The following PKNOX1 variants were observed in gnomAD, a reference collection of about 807,000 sequenced individuals.
The protein encoded by PKNOX1 is homeobox protein PKNOX1.
A neutral mutation model predicts 51.9 loss-of-function variants in PKNOX1; 15 were observed. The observed-to-expected ratio is 0.29, with a 90% CI of 0.19 to 0.45. PKNOX1 has a LOEUF of 0.45. Ranked by LOEUF, PKNOX1 falls within the 20% of genes least tolerant of loss-of-function variation. The probability of loss-of-function intolerance (pLI) is 1.00; values close to 1 mark genes in which losing one functional copy is unlikely to be tolerated. For missense variants in PKNOX1, 462 were observed against 547.5 expected, an observed-to-expected ratio of 0.84 and a Z score of 1.56; for synonymous variants, 219 against 211.1, an observed-to-expected ratio of 1.04 and a Z score of -0.32.
At chr21:42,988,684 G>T (rs1452404323) in intron 1 of PKNOX1, among the ~76,000 whole-genome samples, 3 of 152,038 alleles carry the variant, frequency 2.0e-5, no homozygotes, top group Non-Finnish European at 2.9e-5. Flanking sequence ...CTTTCCGGTG[G>T]CTCCCATGCT....
intron 1 of PKNOX1, among the ~76,000 whole-genome samples, chr21:42,986,312 C>T (rs1233808792): frequency 6.6e-6 from 1 of 151,910 alleles, no homozygotes; most frequent in African/African-American, 2.4e-5. Context: ...ACCGTCTTGG[C>T]CAAGGTGGTG....
At chr21:42,993,941 C>T (rs959318675) in intron 1 of PKNOX1, among the ~76,000 whole-genome samples, 1 of 150,794 alleles carries the variant, frequency 6.6e-6, no homozygotes, top group Non-Finnish European at 1.5e-5. Flanking sequence ...CCATGTTGGC[C>T]AGGCTGGTCT....
intron 1 of PKNOX1, among the ~76,000 whole-genome samples, chr21:42,993,725 CTTTTTTTTTCTTT>C (rs1489602017): frequency 1.6e-3 from 7 of 4,282 alleles, no homozygotes; most frequent in African/African-American, 7.0e-3. Flanking sequence ...TTCGTTAACT[CTTTTTTTTTCTTT>C]TTTTTTTTTT....
In PKNOX1 at chr21:43,007,410, C is replaced by T. The variant is rs1254588377; in HGVS notation, c.52-81C>T. 4.4e-6 allele frequency: 6 copies of T among 1,365,316 alleles called. 1 individual carries two copies. In the Admixed American group the frequency reaches 6.9e-5, roughly 16 times the overall value. 84.6% of individuals were successfully genotyped at this position (1,365,316 alleles called of 1,614,324 possible). A position where few individuals can be genotyped will look rare whatever the true frequency, so the allele number is the denominator to read the frequency against. On this transcript the variant is annotated intron_variant, in intron 2 of 10. Coordinates refer to ENST00000291547, the MANE Select transcript of PKNOX1 (RefSeq NM_004571.5). The stretch of plus-strand genomic sequence containing the variant: ...TACTGCTGTCTGGCAATTCCCCACT[C>T]CAACTGCATTCCTGTTGGAGCATGG...
chr21:43,010,998 T>C (rs1568898540), intron 4 of PKNOX1, among the ~76,000 whole-genome samples: 1 of 152,036 alleles, frequency 6.6e-6, no homozygotes, highest in African/African-American at 2.4e-5. Context: ...GTCTGTGACC[T>C]GTGTCTGTCC....
intron 1 of PKNOX1, among the ~76,000 whole-genome samples, chr21:42,975,112 C>CGGGGCG (rs2058986440): frequency 7.0e-6 from 1 of 142,590 alleles, no homozygotes; most frequent in African/African-American, 2.5e-5. Context: ...GGGCGCGCGG[C>CGGGGCG]GGGGCGGGGC....
intron 1 of PKNOX1, among the ~76,000 whole-genome samples, chr21:42,992,442 C>G (rs183988529): frequency 6.6e-6 from 1 of 152,148 alleles, no homozygotes; most frequent in South Asian, 2.1e-4. Context: ...GTGAACCCCC[C>G]GGTCACACTG....
At chr21:42,978,354 A>G (rs188226380) in intron 1 of PKNOX1, among the ~76,000 whole-genome samples, 1 of 151,992 alleles carries the variant, frequency 6.6e-6, no homozygotes. Context: ...ATTGCCTTTA[A>G]GTTTTCCTTT....
At position 42,977,737 on chromosome 21, in the gene PKNOX1, C is replaced by T. The variant is rs184469362; in HGVS notation, c.-57+3073C>T. ...TAATTTTTTGTATTTTTAGTAGAGA[C>T]GGGCTCTACTAAATGTTAGCTAGGC... On this transcript the variant is annotated intron_variant, in intron 1 of 10. Transcript: ENST00000291547. Among the ~76,000 whole-genome samples the T allele has an allele frequency of 2.9e-3, 445 of 151,680 alleles. 2 individuals are homozygous for T. The highest frequency in any genetic ancestry group is 9.6e-3 in the African/African-American group (398 of 41,362).
chr21:42,989,218 A>G lies in PKNOX1; in HGVS notation c.-57+14554A>G, dbSNP rs556526342. Reference sequence around the variant, plus strand: ...GGTTTTGAACTCCTGGACTCAAGCAATATTCCCGCCTCGGGCTTCCAAAGT... The same window carrying G: ...GGTTTTGAACTCCTGGACTCAAGCAGTATTCCCGCCTCGGGCTTCCAAAGT... On this transcript the variant is annotated intron_variant, in intron 1 of 10. Transcript: ENST00000291547. Among the ~76,000 whole-genome samples the G allele has an allele frequency of 3.9e-5, 6 of 152,128 alleles. No individual in the cohort carries two copies. The East Asian group carries it at 1.2e-3, about 29-fold the overall frequency.
chr21:43,004,366 A>G lies in PKNOX1; in HGVS notation c.-16A>G. ...CACCCAAGATGATTTGATGTCTTAT[A>G]AAACTCTGATGAACCATGATGGCTA... On this transcript the variant is annotated 5_prime_UTR_variant, in exon 2 of 11. In the 5' UTR this introduces an upstream ATG that the reference lacks. Coordinates refer to ENST00000291547, the MANE Select transcript of PKNOX1 (RefSeq NM_004571.5). 3.8e-6 allele frequency: 6 copies of G among 1,579,936 alleles called. No individual in the cohort carries two copies. The highest frequency in any genetic ancestry group is 5.2e-6 in the Non-Finnish European group (6 of 1,148,964).
intron 1 of PKNOX1, among the ~76,000 whole-genome samples, chr21:43,003,503 T>C (rs1978854809): frequency 6.6e-6 from 1 of 152,170 alleles, no homozygotes; most frequent in Admixed American, 6.5e-5. Context: ...CTGTTCCCTC[T>C]CTCTGAAACA....
Position 43,004,776 on chromosome 21 carries a change from G to A in PKNOX1, c.51+344G>A, listed in dbSNP as rs185953479. Among the ~76,000 whole-genome samples the A allele has an allele frequency of 2.7e-3, 413 of 152,222 alleles. 8 individuals are homozygous for A. Among genetic ancestry groups the A allele is most frequent in the Non-Finnish European group, 4.9e-4 (33 of 67,970 alleles). ...CCATGTTGACTGGTGGCTCTTCTGA[G>A]TGTCTAACTGGATCAGCTTTTGAAT... On this transcript the variant is annotated intron_variant, in intron 2 of 10. Coordinates refer to ENST00000291547, the MANE Select transcript of PKNOX1 (RefSeq NM_004571.5).
chr21:43,029,553 G>C (rs1357060380), intron 10 of PKNOX1, among the ~76,000 whole-genome samples: 1 of 148,256 alleles, frequency 6.7e-6, no homozygotes, highest in Non-Finnish European at 1.5e-5. Context: ...TCAGCCTCCC[G>C]AGTAGCTCGG....
chr21:43,022,048 C>T (rs376429569), intron 8 of PKNOX1, among the ~76,000 whole-genome samples: 2 of 152,208 alleles, frequency 1.3e-5, no homozygotes, highest in Admixed American at 6.5e-5. Context: ...TTGCTGCCAG[C>T]CTGCTGATCC....
chr21:43,009,560 G>A (rs969133140), intron 3 of PKNOX1, among the ~76,000 whole-genome samples: 12 of 138,594 alleles, frequency 8.7e-5, no homozygotes, highest in Admixed American at 3.1e-4. Flanking sequence ...GCAGTGACCC[G>A]AGATCGTGCC....
intron 3 of PKNOX1, among the ~76,000 whole-genome samples, chr21:43,009,185 C>T (rs1045200428): frequency 1.3e-5 from 2 of 152,088 alleles, no homozygotes; most frequent in Non-Finnish European, 2.9e-5. Flanking sequence ...TGGTGGCTCA[C>T]GCCTGTAATC....
At chr21:43,024,472 C>T (rs574046235) in intron 8 of PKNOX1, 130 of 161,716 alleles carry the variant, frequency 8.0e-4, no homozygotes, top group Non-Finnish European at 1.4e-3. Flanking sequence ...AGAACGCATC[C>T]ACCCATCCTC....
intron 3 of PKNOX1, among the ~76,000 whole-genome samples, chr21:43,008,598 C>T (rs1389018562): frequency 6.6e-6 from 1 of 151,864 alleles, no homozygotes; most frequent in African/African-American, 2.4e-5. Flanking sequence ...GCCAACATGG[C>T]GAAACCCTGT....
Sources: allele counts gnomAD v4.1 joint callset (sites outside exome capture counted in the v4.1 genomes callset), GRCh38; gene constraint gnomAD v4.1.1; transcripts MANE v1.5; gene names NCBI Gene and HGNC (gene_info 2026-07-23, HGNC 2026-07-21).